NRG1: variants seen among roughly 807,000 people sequenced by gnomAD.
NRG1 encodes neuregulin 1.
NRG1 carries 18 observed loss-of-function variants against 63.8 expected under a neutral mutation model. That is an observed-to-expected ratio of 0.28 (90% confidence interval 0.19 to 0.42). The LOEUF (loss-of-function observed/expected upper bound fraction) is 0.42. Among genes scored for constraint, NRG1 ranks in the 10% least tolerant of loss-of-function variants. The probability of loss-of-function intolerance (pLI) is 1.00; values close to 1 mark genes in which losing one functional copy is unlikely to be tolerated. For missense variants in NRG1, 762 were observed against 814.7 expected, an observed-to-expected ratio of 0.94 and a Z score of 0.79; for synonymous variants, 302 against 301.3, an observed-to-expected ratio of 1.00 and a Z score of -0.02.
chr8:31,770,760 G>C (rs1350300614), intron 1 of NRG1, among the ~76,000 whole-genome samples: 1 of 110,842 alleles, frequency 9.0e-6, no homozygotes, highest in Non-Finnish European at 1.8e-5. Context: ...AGAACTTAAA[G>C]TATAATAAAC....
chr8:32,293,099 G>A (rs1367530752), intron 1 of NRG1, among the ~76,000 whole-genome samples: 5 of 145,368 alleles, frequency 3.4e-5, no homozygotes, highest in South Asian at 2.2e-4. Flanking sequence ...GTGAGACTAC[G>A]TCTAAAATAT....
chr8:31,982,011 T>C (rs1809199541), intron 1 of NRG1, among the ~76,000 whole-genome samples: 1 of 151,814 alleles, frequency 6.6e-6, no homozygotes, highest in African/African-American at 2.4e-5. Flanking sequence ...TATAAATATA[T>C]ACCATGATGG....
chr8:32,159,540 C>CAAAAAA (rs10684266), intron 1 of NRG1, among the ~76,000 whole-genome samples: 2 of 73,700 alleles, frequency 2.7e-5, no homozygotes, highest in Non-Finnish European at 6.4e-5. Flanking sequence ...GACTCCGTCT[C>CAAAAAA]AAAAAAAAAA....
intron 1 of NRG1, among the ~76,000 whole-genome samples, chr8:32,249,225 C>G (rs1009349320): frequency 6.6e-6 from 1 of 151,994 alleles, no homozygotes; most frequent in Non-Finnish European, 1.5e-5. Context: ...GTTGCAACTT[C>G]CATAGTAGCT....
chr8:32,733,216 C>T (rs1262277515), intron 6 of NRG1, among the ~76,000 whole-genome samples: 1 of 152,082 alleles, frequency 6.6e-6, no homozygotes, highest in African/African-American at 2.4e-5. Context: ...TTTAATATTT[C>T]TGATCATTAG....
At chr8:32,406,388 G>C (rs1051683294) in intron 1 of NRG1, among the ~76,000 whole-genome samples, 4 of 152,140 alleles carry the variant, frequency 2.6e-5, no homozygotes, top group African/African-American at 9.7e-5. Flanking sequence ...TTCAAAGGTT[G>C]TTGTGAAGAT....
In NRG1 at chr8:32,616,904, T is replaced by G. The variant is rs1222665074; in HGVS notation, c.502+19T>G. 3 of 1,547,098 alleles carry G rather than the reference T, an allele frequency of 1.9e-6. No individual in the cohort carries two copies. The highest frequency in any genetic ancestry group is 2.7e-6 in the Non-Finnish European group (3 of 1,119,638). ...TCTTCATGTAAGTATACTTAAATAT[T>G]CTATTCACTGGTTTTTAACCCAAGG... On this transcript the variant is annotated intron_variant, in intron 5 of 11. Transcript: ENST00000356819.
chr8:31,895,706 A>G (rs1246749407), intron 1 of NRG1, among the ~76,000 whole-genome samples: 2 of 152,098 alleles, frequency 1.3e-5, no homozygotes, highest in Admixed American at 6.5e-5. Flanking sequence ...AGGCAGCAAG[A>G]TCTGGATTTT....
chr8:32,427,766 CTT>C lies in NRG1; in HGVS notation c.38-168059_38-168058del, dbSNP rs534411543. 5.2e-3 allele frequency among the ~76,000 whole-genome samples: 797 copies of C among 152,242 alleles called. 3 individuals are homozygous for C. The highest frequency in any genetic ancestry group is 0.018 in the African/African-American group (766 of 41,570). On this transcript the variant is annotated intron_variant, in intron 1 of 10. Transcript: ENST00000519301. Reference sequence around the variant, plus strand: ...TAACGTGTGCGACAGGATAAGCTCTCTTTTAGTCACCAATTGGAGAAATATGC... The same window carrying C: ...TAACGTGTGCGACAGGATAAGCTCTCTTAGTCACCAATTGGAGAAATATGC...
chr8:32,728,273 G>A lies in NRG1; in HGVS notation c.632+195G>A, dbSNP rs1406087191. 4 of 985,034 alleles carry A rather than the reference G, an allele frequency of 4.1e-6. No individual in the cohort carries two copies. In the East Asian group the frequency reaches 4.5e-4, roughly 112 times the overall value. The allele number at this position is 985,034 out of a possible 1,614,324, so 61.0% of individuals were successfully genotyped here. A position where few individuals can be genotyped will look rare whatever the true frequency, so the allele number is the denominator to read the frequency against. Reference sequence around the variant, plus strand: ...TCTGTCATATGCAGAATTGTTTTTTGCTCTTTTCAATGTGTGTGAGGTGTT... The same window carrying A: ...TCTGTCATATGCAGAATTGTTTTTTACTCTTTTCAATGTGTGTGAGGTGTT... On this transcript the variant is annotated intron_variant, in intron 6 of 11. Transcript: ENST00000356819.
chr8:32,710,017 G>A (rs1817415154), intron 5 of NRG1, among the ~76,000 whole-genome samples: 1 of 152,120 alleles, frequency 6.6e-6, no homozygotes, highest in Non-Finnish European at 1.5e-5. Flanking sequence ...CTGATTAGAT[G>A]ATCCTCATAT....
chr8:31,736,331 G>A (rs966839039), intron 1 of NRG1, among the ~76,000 whole-genome samples: 1 of 152,040 alleles, frequency 6.6e-6, no homozygotes, highest in Non-Finnish European at 1.5e-5. Flanking sequence ...TTCTCAGTGA[G>A]GCCTTCGCTG....
At chr8:31,966,346 T>C (rs1806330258) in intron 1 of NRG1, among the ~76,000 whole-genome samples, 1 of 152,178 alleles carries the variant, frequency 6.6e-6, no homozygotes, top group Non-Finnish European at 1.5e-5. Context: ...GGAGTAATAA[T>C]CTGGAAAAGC....
chr8:32,595,911 G>A (rs1404215322), exon 2 of NRG1: 1 of 1,613,810 alleles, frequency 6.2e-7, no homozygotes, highest in Admixed American at 1.7e-5. Flanking sequence ...AACCAGTTCT[G>A]AATACTCCTC....
At chr8:31,909,427 ATGCTG>A (rs1832771365) in intron 1 of NRG1, among the ~76,000 whole-genome samples, 2 of 152,088 alleles carry the variant, frequency 1.3e-5, no homozygotes, top group Non-Finnish European at 2.9e-5. Flanking sequence ...GAGTTCTTCC[ATGCTG>A]ATGCATGGAA....
At chr8:32,274,351 T>A (rs1238274546) in intron 1 of NRG1, among the ~76,000 whole-genome samples, 1 of 152,188 alleles carries the variant, frequency 6.6e-6, no homozygotes, top group Non-Finnish European at 1.5e-5. Context: ...GTGAAAAGGT[T>A]TCATTAAAAT....
intron 1 of NRG1, among the ~76,000 whole-genome samples, chr8:32,529,934 G>A (rs886120979): frequency 1.3e-5 from 2 of 152,086 alleles, no homozygotes; most frequent in Non-Finnish European, 2.9e-5. Flanking sequence ...CAGTAACATA[G>A]TCATTTAGTG....
intron 1 of NRG1, among the ~76,000 whole-genome samples, chr8:31,948,043 G>T (rs1317699825): frequency 1.3e-5 from 2 of 150,324 alleles, no homozygotes; most frequent in African/African-American, 2.4e-5. Context: ...ATTTATAAAG[G>T]TGTAGAAGAT....
chr8:31,720,769 G>A (rs938627430), intron 1 of NRG1, among the ~76,000 whole-genome samples: 9 of 152,196 alleles, frequency 5.9e-5, no homozygotes, highest in African/African-American at 1.9e-4. Context: ...GAAGTTAGAT[G>A]TTAAGATGAC....
Sources: gnomAD v4.1 joint callset for allele counts (sites outside exome capture counted in the v4.1 genomes callset) on GRCh38, gnomAD v4.1.1 for gene constraint, MANE v1.5 for transcripts, NCBI Gene and HGNC (gene_info 2026-07-23, HGNC 2026-07-21) for gene names.